Variants in SPIDR observed in about 807,000 individuals in gnomAD.
SPIDR encodes the protein scaffold protein involved in DNA repair, also known as DNA repair-scaffolding protein.
Under a neutral mutation model 104.6 loss-of-function variants are expected in SPIDR, and 93 were observed. The ratio of observed to expected loss-of-function variants is 0.89; its 90% CI spans 0.75 to 1.06. SPIDR has a LOEUF of 1.06. Ranked by LOEUF, SPIDR falls within the 50% of genes least tolerant of loss-of-function variation. SPIDR has a pLI of 0.00. For synonymous variants in SPIDR, 431 were observed against 416.9 expected, an observed-to-expected ratio of 1.03 and a Z score of -0.41; for missense variants, 1,154 against 1,111.2, an observed-to-expected ratio of 1.04 and a Z score of -0.55.
intron 10 of SPIDR, among the ~76,000 whole-genome samples, chr8:47,604,121 A>T (rs1306060380): frequency 6.6e-6 from 1 of 152,234 alleles, no homozygotes; most frequent in African/African-American, 2.4e-5. Flanking sequence ...ACAAGTTGCA[A>T]TAAGTACCCT....
At position 47,347,323 on chromosome 8, in the gene SPIDR, G is replaced by A. The variant is rs544799570; in HGVS notation, c.526-49053G>A. 3.2e-4 allele frequency among the ~76,000 whole-genome samples: 49 copies of A among 152,226 alleles called. 1 individual carries two copies. Among genetic ancestry groups the A allele is most frequent in the African/African-American group, 9.1e-4 (38 of 41,548 alleles). Reference sequence around the variant, plus strand: ...TGTGGTCTGAGAGACAGTTTGTTATGATTTCTGTTCTTTTACATTTGCTGC... The same window carrying A: ...TGTGGTCTGAGAGACAGTTTGTTATAATTTCTGTTCTTTTACATTTGCTGC... On this transcript the variant is annotated intron_variant, in intron 5 of 19. Coordinates refer to ENST00000297423, the MANE Select transcript of SPIDR (RefSeq NM_001080394.4).
intron 10 of SPIDR, among the ~76,000 whole-genome samples, chr8:47,612,806 G>A (rs1207951193): frequency 2.0e-5 from 3 of 152,130 alleles, no homozygotes; most frequent in East Asian, 1.9e-4. Flanking sequence ...ACAACACTAA[G>A]TATGCCCATT....
intron 8 of SPIDR, among the ~76,000 whole-genome samples, chr8:47,485,439 C>T (rs1259880815): frequency 2.6e-5 from 4 of 152,216 alleles, no homozygotes; most frequent in Non-Finnish European, 5.9e-5. Context: ...AGGGCATAGC[C>T]AAACAAAAGG....
At chr8:47,380,750 A>G (rs986884144) in intron 5 of SPIDR, among the ~76,000 whole-genome samples, 3 of 152,140 alleles carry the variant, frequency 2.0e-5, no homozygotes, top group South Asian at 2.1e-4. Context: ...AGGTGTAACT[A>G]TGGGTGTAGC....
At chr8:47,396,296 TGATA>T in intron 5 of SPIDR, 76 bp from the exon 6 acceptor site, 12 of 1,178,308 alleles carry the variant, frequency 1.0e-5, no homozygotes, top group Non-Finnish European at 1.4e-5. Flanking sequence ...GGGAATGGAA[TGATA>T]GATGTATATA....
At chr8:47,498,846 C>G (rs2079871384) in intron 8 of SPIDR, among the ~76,000 whole-genome samples, 2 of 152,076 alleles carry the variant, frequency 1.3e-5, no homozygotes, top group East Asian at 3.8e-4. Context: ...ATTGCCGTGC[C>G]CTTACTTAGC....
At chr8:47,539,438 A>G (rs958591195) in intron 8 of SPIDR, among the ~76,000 whole-genome samples, 2 of 152,222 alleles carry the variant, frequency 1.3e-5, no homozygotes, top group African/African-American at 4.8e-5. Flanking sequence ...GGCTCAAGGC[A>G]GTGCTGAGAC....
At chr8:47,515,469 G>C (rs1488577079) in intron 8 of SPIDR, among the ~76,000 whole-genome samples, 1 of 152,170 alleles carries the variant, frequency 6.6e-6, no homozygotes, top group Non-Finnish European at 1.5e-5. Flanking sequence ...AAGACTGAAA[G>C]TGATGAAGGT....
chr8:47,503,492 G>C (rs921272047), intron 8 of SPIDR, among the ~76,000 whole-genome samples: 39 of 151,372 alleles, frequency 2.6e-4, no homozygotes, highest in African/African-American at 9.2e-4. Context: ...TTGCTTGGTA[G>C]ATCTTCCTCC....
intron 11 of SPIDR, among the ~76,000 whole-genome samples, chr8:47,674,559 G>T (rs2076187394): frequency 6.6e-6 from 1 of 152,054 alleles, no homozygotes; most frequent in Admixed American, 6.6e-5. Context: ...TGAATTGGGG[G>T]TTTTCTCAAT....
chr8:47,631,997 T>C (rs919285286), intron 10 of SPIDR, among the ~76,000 whole-genome samples: 2 of 152,114 alleles, frequency 1.3e-5, no homozygotes, highest in Non-Finnish European at 2.9e-5. Flanking sequence ...GAGTCACAGA[T>C]GTAAAAGAGA....
At chr8:47,552,355 A>C (rs928524023) in intron 8 of SPIDR, among the ~76,000 whole-genome samples, 1 of 152,136 alleles carries the variant, frequency 6.6e-6, no homozygotes, top group African/African-American at 2.4e-5. Flanking sequence ...TGATCTGTCT[A>C]ATATTTACAG....
At chr8:47,647,649 A>AGAGAGAGAGAGAGAGG in intron 10 of SPIDR, among the ~76,000 whole-genome samples, 1 of 142,754 alleles carries the variant, frequency 7.0e-6, no homozygotes, top group Non-Finnish European at 1.5e-5. Context: ...AGAGAGAGAG[A>AGAGAGAGAGAGAGAGG]GAGAGGGAGA....
At chr8:47,271,496 G>T (rs948618887) in intron 1 of SPIDR, among the ~76,000 whole-genome samples, 6 of 152,134 alleles carry the variant, frequency 3.9e-5, no homozygotes, top group African/African-American at 1.4e-4. Context: ...CTGCTGTTGA[G>T]CTCCTCTGGT....
At chr8:47,401,043 T>A (rs998413301) in intron 6 of SPIDR, among the ~76,000 whole-genome samples, 3 of 151,844 alleles carry the variant, frequency 2.0e-5, no homozygotes, top group Non-Finnish European at 4.4e-5. Context: ...GTCACATTCA[T>A]CAAGGTTGAA....
chr8:47,331,735 G>A (rs1292472245), intron 5 of SPIDR, among the ~76,000 whole-genome samples: 2 of 151,876 alleles, frequency 1.3e-5, no homozygotes, highest in Non-Finnish European at 2.9e-5. Flanking sequence ...TTAGCTTACT[G>A]TAACGTTTTT....
chr8:47,345,188 C>G (rs1266352293), intron 5 of SPIDR, among the ~76,000 whole-genome samples: 16 of 152,268 alleles, frequency 1.1e-4, no homozygotes, highest in Non-Finnish European at 2.2e-4. Context: ...TATGGCTAGC[C>G]AGTTTTCCCA....
intron 10 of SPIDR, among the ~76,000 whole-genome samples, chr8:47,667,018 C>T (rs577207199): frequency 5.3e-5 from 8 of 152,266 alleles, no homozygotes; most frequent in Non-Finnish European, 1.0e-4. Context: ...CAGTGGTTCA[C>T]GCCTGTAATC....
chr8:47,327,015 C>T (rs2154265747), intron 5 of SPIDR, among the ~76,000 whole-genome samples: 2 of 152,258 alleles, frequency 1.3e-5, no homozygotes, highest in Non-Finnish European at 2.9e-5. Context: ...TGAAAAACTA[C>T]CTGTTTTCTG....
Sources: allele counts gnomAD v4.1 joint callset (sites outside exome capture counted in the v4.1 genomes callset), GRCh38; gene constraint gnomAD v4.1.1; transcripts MANE v1.5; gene names NCBI Gene and HGNC (gene_info 2026-07-23, HGNC 2026-07-21).